The following IGF2BP3 variants were observed in gnomAD, a reference collection of about 807,000 sequenced individuals.
The protein encoded by IGF2BP3 is insulin like growth factor 2 mRNA binding protein 3, also known as insulin-like growth factor 2 mRNA-binding protein 3.
A neutral mutation model predicts 73.8 loss-of-function variants in IGF2BP3; 9 were observed. That is an observed-to-expected ratio of 0.12 (90% CI 0.07 to 0.21). The LOEUF (loss-of-function observed/expected upper bound fraction) is 0.21, where lower values mean the gene tolerates loss of function less well. Ranked by LOEUF, IGF2BP3 falls within the 10% of genes least tolerant of loss-of-function variation. The pLI is 1.00. For missense variants in IGF2BP3, 542 were observed against 714.0 expected (o/e 0.76, Z 2.75); for synonymous variants, 258 against 256.7 (o/e 1.01, Z -0.05).
intron 5 of IGF2BP3, among the ~76,000 whole-genome samples, chr7:23,355,085 C>G (rs969618254): frequency 6.6e-5 from 10 of 152,130 alleles, no homozygotes; most frequent in African/African-American, 1.2e-4. Flanking sequence ...AGTATTTTCA[C>G]CAAACCCACC....
At chr7:23,388,628 T>C (rs1259915554) in intron 3 of IGF2BP3, among the ~76,000 whole-genome samples, 20 of 150,914 alleles carry the variant, frequency 1.3e-4, no homozygotes, top group African/African-American at 3.2e-4. Flanking sequence ...TTTTTTTTTT[T>C]CCAGTCCAAG....
intron 10 of IGF2BP3, among the ~76,000 whole-genome samples, chr7:23,336,623 TATC>T (rs1390629212): frequency 6.6e-6 from 1 of 152,038 alleles, no homozygotes; most frequent in East Asian, 1.9e-4. Flanking sequence ...GCCTGGTTGT[TATC>T]ATTGCTTCTT....
chr7:23,455,746 C>T (rs1309423814), intron 2 of IGF2BP3, among the ~76,000 whole-genome samples: 1 of 152,102 alleles, frequency 6.6e-6, no homozygotes, highest in Admixed American at 6.5e-5. Context: ...AGTGCGGTGG[C>T]GCGATGTCGA....
intron 2 of IGF2BP3, among the ~76,000 whole-genome samples, chr7:23,427,309 G>A (rs576148270): frequency 2.0e-4 from 31 of 152,234 alleles, no homozygotes; most frequent in Admixed American, 1.0e-3. Flanking sequence ...TGGAGGTCCC[G>A]TTTCCCTATA....
intron 3 of IGF2BP3, among the ~76,000 whole-genome samples, chr7:23,416,533 T>C (rs184322032): frequency 6.6e-6 from 1 of 152,254 alleles, no homozygotes; most frequent in Admixed American, 6.5e-5. Flanking sequence ...CTGAAGCCAG[T>C]TGAACCTATT....
intron 2 of IGF2BP3, among the ~76,000 whole-genome samples, chr7:23,441,927 C>G (rs1489729509): frequency 6.6e-6 from 1 of 152,070 alleles, no homozygotes; most frequent in Non-Finnish European, 1.5e-5. Flanking sequence ...GAGTTTGAGA[C>G]CAGCCTGGCC....
At chr7:23,408,540 G>A (rs1296158078) in intron 3 of IGF2BP3, among the ~76,000 whole-genome samples, 1 of 152,118 alleles carries the variant, frequency 6.6e-6, no homozygotes, top group Non-Finnish European at 1.5e-5. Context: ...GAACACACTT[G>A]GGCACTGTTG....
At chr7:23,392,787 G>A (rs1201404276) in intron 3 of IGF2BP3, among the ~76,000 whole-genome samples, 3 of 152,072 alleles carry the variant, frequency 2.0e-5, no homozygotes, top group African/African-American at 7.2e-5. Flanking sequence ...GGGCCACCAC[G>A]CCTGGCAAAT....
At chr7:23,389,981 TAC>T (rs146735756) in intron 3 of IGF2BP3, among the ~76,000 whole-genome samples, 1 of 151,414 alleles carries the variant, frequency 6.6e-6, no homozygotes, top group Non-Finnish European at 1.5e-5. Flanking sequence ...GTCTCTAAAA[TAC>T]ACACACACAC....
intron 2 of IGF2BP3, among the ~76,000 whole-genome samples, chr7:23,429,690 C>T (rs1487359722): frequency 6.6e-6 from 1 of 152,122 alleles, no homozygotes; most frequent in Non-Finnish European, 1.5e-5. Flanking sequence ...GACAAGCTTA[C>T]ATATTAATAC....
At chr7:23,418,640 C>T (rs905142818) in intron 3 of IGF2BP3, 136 bp downstream of exon 3, 12 of 521,866 alleles carry the variant, frequency 2.3e-5, no homozygotes, top group East Asian at 6.0e-5. Flanking sequence ...AAACCCACAC[C>T]AAGGCACGGG....
Position 23,460,201 on chromosome 7 carries a change from A to AAAAAAC in IGF2BP3, c.236+8280_236+8281insGTTTTT, listed in dbSNP as rs34563888. Among the ~76,000 whole-genome samples the AAAAAAC allele has an allele frequency of 5.1e-3, 752 of 146,792 alleles. 7 individuals carry two copies. The highest frequency in any genetic ancestry group is 8.7e-3 in the Non-Finnish European group (573 of 66,156). On this transcript the variant is annotated intron_variant, in intron 2 of 14. Coordinates refer to ENST00000258729, the MANE Select transcript of IGF2BP3 (RefSeq NM_006547.3). The stretch of plus-strand genomic sequence containing the variant: ...CTCAAAAAAAAAAAAAAAAAACAAA[A>AAAAAAC]ACGAAAGTGAGCTCACACTCACCAG...
At chr7:23,367,009 T>TTTTTTA (rs1554320673) in intron 3 of IGF2BP3, among the ~76,000 whole-genome samples, 1 of 147,896 alleles carries the variant, frequency 6.8e-6, no homozygotes, top group Non-Finnish European at 1.5e-5. Context: ...TTTTTTTTTT[T>TTTTTTA]AAAGACAGAG....
intron 3 of IGF2BP3, among the ~76,000 whole-genome samples, chr7:23,417,019 C>G (rs1223387951): frequency 6.6e-6 from 1 of 152,108 alleles, no homozygotes; most frequent in Non-Finnish European, 1.5e-5. Flanking sequence ...TTGCACCATT[C>G]CACTCCAGCC....
intron 10 of IGF2BP3, among the ~76,000 whole-genome samples, chr7:23,328,874 G>T (rs1051726944): frequency 1.3e-5 from 2 of 152,110 alleles, no homozygotes; most frequent in African/African-American, 4.8e-5. Context: ...AACCAGAAAG[G>T]TCAGGCAGAC....
chr7:23,427,304 G>T (rs1787541748), intron 2 of IGF2BP3, among the ~76,000 whole-genome samples: 1 of 152,134 alleles, frequency 6.6e-6, no homozygotes, highest in Non-Finnish European at 1.5e-5. Flanking sequence ...TTTCTTGGAG[G>T]TCCCGTTTCC....
At chr7:23,384,694 C>G (rs1013494961) in intron 3 of IGF2BP3, among the ~76,000 whole-genome samples, 2 of 152,052 alleles carry the variant, frequency 1.3e-5, no homozygotes, top group African/African-American at 4.8e-5. Context: ...AGTTCAAGAC[C>G]AGCCTGGGCA....
In IGF2BP3 at chr7:23,364,546, T is replaced by TC. The variant is rs1469807977; in HGVS notation, c.286-2806dup. On this transcript the variant is annotated intron_variant, in intron 3 of 14. Coordinates refer to ENST00000258729, the MANE Select transcript of IGF2BP3 (RefSeq NM_006547.3). ...CTGGGAAACAGAGCGAGACTTTGTG[T>TC]CAAAAAAAAAAAAAAAAAAAAAAAA... 4.4e-4 allele frequency among the ~76,000 whole-genome samples: 14 copies of TC among 31,594 alleles called. No individual in the cohort carries two copies. In the East Asian group the frequency reaches 0.011, roughly 25 times the overall value. 20.7% of individuals were successfully genotyped at this position (31,594 alleles called of 152,430 possible).
intron 3 of IGF2BP3, among the ~76,000 whole-genome samples, chr7:23,389,985 C>T (rs1413053123): frequency 1.3e-5 from 2 of 152,012 alleles, no homozygotes; most frequent in Admixed American, 6.6e-5. Flanking sequence ...CTAAAATACA[C>T]ACACACACAC....
Sources: gnomAD v4.1 joint callset for allele counts (sites outside exome capture counted in the v4.1 genomes callset) on GRCh38, gnomAD v4.1.1 for gene constraint, MANE v1.5 for transcripts, NCBI Gene and HGNC (gene_info 2026-07-23, HGNC 2026-07-21) for gene names.